CD300A: variants seen among roughly 807,000 people sequenced by gnomAD.
CD300A encodes CMRF35-like molecule 8.
Under a neutral mutation model 33.6 loss-of-function variants are expected in CD300A, and 22 were observed. That is an observed-to-expected ratio of 0.66 (90% CI 0.47 to 0.94). CD300A has a LOEUF of 0.94. Ranked by LOEUF, CD300A falls within the 40% of genes least tolerant of loss-of-function variation. CD300A has a pLI of 0.00. For missense variants in CD300A, 326 were observed against 360.5 expected (o/e 0.90, Z 0.77); for synonymous variants, 136 against 148.1 (o/e 0.92, Z 0.59).
At chr17:74,481,968 A>C in intron 6 of CD300A, 135 bp downstream of exon 6, 1 of 623,848 alleles carries the variant, frequency 1.6e-6, no homozygotes, top group Non-Finnish European at 2.8e-6. Context: ...CCACATGGAG[A>C]TGGAGCAAGT....
rs141619147 is a variant in CD300A, at chr17:74,484,066, T to C, written c.840T>C (p.Ala280=). ...VVFDSNTNRI[A]AQRPREEEPD... is the part of the protein sequence containing the mutation. Reference sequence around the variant, plus strand: ...TTGATTCTAACACCAACAGGATAGCTGCTCAGAGGCCTCGGGAGGAGGAAC... The same window carrying C: ...TTGATTCTAACACCAACAGGATAGCCGCTCAGAGGCCTCGGGAGGAGGAAC... Residue 280 remains alanine (A), a synonymous_variant, in exon 7 of 7, where the codon GCT becomes GCC. Coordinates refer to ENST00000360141, the MANE Select transcript of CD300A (RefSeq NM_007261.4). 2.8e-4 allele frequency: 459 copies of C among 1,614,098 alleles called. No homozygotes were observed. In the African/African-American group the frequency reaches 3.9e-3, roughly 14 times the overall value.
At position 74,482,902 on chromosome 17, in the gene CD300A, G is replaced by A. The variant is rs1598111439; in HGVS notation, c.774+1069G>A. Among the ~76,000 whole-genome samples the A allele has an allele frequency of 2.0e-5, 3 of 151,716 alleles. No individual in the cohort carries two copies. In the East Asian group the frequency reaches 5.8e-4, roughly 29 times the overall value. The stretch of plus-strand genomic sequence containing the variant: ...TTTTTGTATTTTTAGTAGAGACGGG[G>A]CTTCACCATGTTGGCCAGGCTGGTC... On this transcript the variant is annotated intron_variant, in intron 6 of 6. Coordinates refer to ENST00000360141, the MANE Select transcript of CD300A (RefSeq NM_007261.4).
At chr17:74,467,958 C>T (rs1905832962) in intron 1 of CD300A, among the ~76,000 whole-genome samples, 1 of 152,176 alleles carries the variant, frequency 6.6e-6, no homozygotes, top group Admixed American at 6.5e-5. Context: ...CAGAGCTTCT[C>T]ATTATTAGGA....
chr17:74,481,795 G>GC lies in CD300A; in HGVS notation c.737dup (p.Pro247ThrfsTer27). The GC allele has an allele frequency of 6.2e-7, 1 of 1,613,034 alleles. No homozygotes were observed. ...GATGTGGCCTCTGCAGGAAAAGCCA[G>GC]CACCACCAAGGGAGGTGGAGGTGGA... is the stretch of plus-strand genomic sequence containing the variant. On this transcript the variant is annotated frameshift_variant, in exon 6 of 7. Transcript: ENST00000360141. LOFTEE classifies it low-confidence loss of function (END_TRUNC).
In CD300A at chr17:74,471,580, G is replaced by A. The variant is rs141180628; in HGVS notation, c.41-1956G>A. Among the ~76,000 whole-genome samples the A allele has an allele frequency of 1.8e-4, 27 of 152,304 alleles. No homozygotes were observed. The East Asian group carries it at 5.0e-3, about 28-fold the overall frequency. On this transcript the variant is annotated intron_variant, in intron 1 of 6. Coordinates refer to ENST00000360141, the MANE Select transcript of CD300A (RefSeq NM_007261.4). ...TTGCCCCAGAACACACAGCTGATAC[G>A]TAATAGGGTAGAGATGTAAACGCAG...
chr17:74,474,576 T>C lies in CD300A; in HGVS notation c.424T>C (p.Ser142Pro), dbSNP rs756681723. Residue 142 changes from serine (S) to proline (P), a missense_variant, in exon 3 of 7, where the codon TCA becomes CCA. Transcript: ENST00000360141. ...TPASITAAKTSTITTAFPPVS... is the reference protein window; with the variant it reads ...TPASITAAKTPTITTAFPPVS... ...TGCAAGTATCACTGCGGCCAAGACCTCAACAATCACAACTGCATTTCCACC... is the reference window on the plus strand; with the variant it reads ...TGCAAGTATCACTGCGGCCAAGACCCCAACAATCACAACTGCATTTCCACC... 3 of 1,614,172 alleles carry C rather than the reference T, an allele frequency of 1.9e-6. No homozygotes were observed. The African/African-American group carries it at 4.0e-5, about 22-fold the overall frequency.
chr17:74,469,218 T>C (rs1467991815), intron 1 of CD300A, among the ~76,000 whole-genome samples: 2 of 152,098 alleles, frequency 1.3e-5, no homozygotes, highest in African/African-American at 4.8e-5. Context: ...CTCATCATTT[T>C]TGGTCTACAT....
At chr17:74,471,326 A>G (rs756508668) in intron 1 of CD300A, among the ~76,000 whole-genome samples, 3 of 152,082 alleles carry the variant, frequency 2.0e-5, no homozygotes, top group Non-Finnish European at 2.9e-5. Context: ...GTCATGTCTT[A>G]TTTAGTCAGC....
At chr17:74,470,415 G>T (rs1906020469) in intron 1 of CD300A, among the ~76,000 whole-genome samples, 2 of 151,642 alleles carry the variant, frequency 1.3e-5, no homozygotes, top group Admixed American at 1.3e-4. Flanking sequence ...GAGCTAGAGG[G>T]AGAGAGAGAG....
At chr17:74,466,948 G>C in intron 1 of CD300A, 1 of 1,433,806 alleles carries the variant, frequency 7.0e-7, no homozygotes, top group Non-Finnish European at 9.1e-7. Context: ...TCCCGGCTCT[G>C]CACCCACGTA....
intron 3 of CD300A, among the ~76,000 whole-genome samples, chr17:74,475,682 T>C (rs1181239151): frequency 1.3e-5 from 2 of 151,954 alleles, no homozygotes; most frequent in Non-Finnish European, 2.9e-5. Flanking sequence ...CCACCCAGAG[T>C]TAGTGCAGAC....
chr17:74,482,521 C>A (rs8079099), intron 6 of CD300A, among the ~76,000 whole-genome samples: 2 of 150,976 alleles, frequency 1.3e-5, no homozygotes, highest in Admixed American at 6.6e-5. Context: ...ACCGTTCTCC[C>A]CAGGCCGCCG....
At chr17:74,466,883 A>G (rs1445287047) in intron 1 of CD300A, 140 bp downstream of exon 1, 6 of 1,503,396 alleles carry the variant, frequency 4.0e-6, no homozygotes, top group African/African-American at 2.8e-5. Flanking sequence ...TGTCTACCAC[A>G]TAAGATGGAC....
intron 3 of CD300A, among the ~76,000 whole-genome samples, chr17:74,475,241 A>G (rs2144519488): frequency 6.6e-6 from 1 of 152,280 alleles, no homozygotes; most frequent in East Asian, 1.9e-4. Context: ...CTTATTCACT[A>G]CCACAAGAAC....
chr17:74,472,312 A>C (rs1310783974), intron 1 of CD300A, among the ~76,000 whole-genome samples: 1 of 151,978 alleles, frequency 6.6e-6, no homozygotes, highest in African/African-American at 2.4e-5. Context: ...TCCTTGAACA[A>C]TATGGGGCCT....
chr17:74,483,013 T>C (rs1907015397), intron 6 of CD300A, among the ~76,000 whole-genome samples: 1 of 152,054 alleles, frequency 6.6e-6, no homozygotes, highest in Non-Finnish European at 1.5e-5. Flanking sequence ...CCCGGCCAGC[T>C]CCTGGCCAAG....
intron 3 of CD300A, 119 bp downstream of exon 3, chr17:74,474,804 C>A: frequency 8.8e-7 from 1 of 1,140,252 alleles, no homozygotes; most frequent in East Asian, 2.7e-5. Flanking sequence ...TGCCCCAGGC[C>A]CAGGTTGGAA....
chr17:74,466,645 C>T lies in CD300A; in HGVS notation c.-59C>T, dbSNP rs185304852. On this transcript the variant is annotated 5_prime_UTR_variant, in exon 1 of 7. Coordinates refer to ENST00000360141, the MANE Select transcript of CD300A (RefSeq NM_007261.4). Reference sequence around the variant, plus strand: ...GGGGCCTTGGAGGCGTGACTTTCCCCTCGGGTCCAGGTAGGGCCTGGAGCT... The same window carrying T: ...GGGGCCTTGGAGGCGTGACTTTCCCTTCGGGTCCAGGTAGGGCCTGGAGCT... 3.2e-6 allele frequency: 5 copies of T among 1,552,022 alleles called. No individual in the cohort carries two copies. The African/African-American group carries it at 5.4e-5, about 17-fold the overall frequency.
chr17:74,473,637 T>C lies in CD300A; in HGVS notation c.142T>C (p.Tyr48His). 6.2e-7 allele frequency: 1 copy of C among 1,614,132 alleles called. No homozygotes were observed. The highest frequency in any genetic ancestry group is 8.5e-7 in the Non-Finnish European group (1 of 1,180,010). Reference sequence around the variant, plus strand: ...GAAGGAACACAGGACCCTCAACAAATACTGGTGCAGACCACCACAGATTTT... The same window carrying C: ...GAAGGAACACAGGACCCTCAACAAACACTGGTGCAGACCACCACAGATTTT... The part of the protein sequence containing the change: ...YEKEHRTLNK[Y>H]WCRPPQIFLC... The change falls in exon 2 of 7, where the codon TAC becomes CAC. Residue 48 changes from tyrosine (Y) to histidine (H), a missense_variant. Tyr to His is a moderately conservative substitution (Grantham distance 83, BLOSUM62 2). Transcript: ENST00000360141.
Sources: gnomAD v4.1 joint callset for allele counts (sites outside exome capture counted in the v4.1 genomes callset) on GRCh38, gnomAD v4.1.1 for gene constraint, MANE v1.5 for transcripts, NCBI Gene and HGNC (gene_info 2026-07-23, HGNC 2026-07-21) for gene names.